Variants in SDK1 observed in about 807,000 individuals in gnomAD.
The protein encoded by SDK1 is sidekick cell adhesion molecule 1, also known as protein sidekick-1.
SDK1 carries 157 observed loss-of-function variants against 245.5 expected under a neutral mutation model. The ratio of observed to expected loss-of-function variants is 0.64; its 90% confidence interval spans 0.56 to 0.73. SDK1 has a LOEUF of 0.73. Ranked by LOEUF, SDK1 falls within the 30% of genes least tolerant of loss-of-function variation. The pLI, the probability that SDK1 is intolerant of heterozygous loss-of-function variation, is 0.00. For synonymous variants in SDK1, 1,647 were observed against 1,278.5 expected, an observed-to-expected ratio of 1.29 and a Z score of -6.15; for missense variants, 3,583 against 3,002.3, an observed-to-expected ratio of 1.19 and a Z score of -4.52.
Position 4,268,308 on chromosome 7 carries a change from G to A in SDK1, c.*2924G>A. The stretch of plus-strand genomic sequence containing the variant: ...AGCTCCCTCCTCCTGGGGTGCCAGG[G>A]CAGAGATTCCAGGCAGGTGAGCCCA... On this transcript the variant is annotated 3_prime_UTR_variant, in exon 45 of 45. Transcript: ENST00000404826. The A allele has an allele frequency of 9.7e-7, 1 of 1,026,910 alleles. No individual in the cohort carries two copies. Among genetic ancestry groups the A allele is most frequent in the Non-Finnish European group, 1.2e-6 (1 of 854,544 alleles). The allele number at this position is 1,026,910 out of a possible 1,614,324, so 63.6% of individuals were successfully genotyped here. A position where few individuals can be genotyped will look rare whatever the true frequency, so the allele number is the denominator to read the frequency against.
chr7:3,401,689 AT>A lies in SDK1; in HGVS notation c.298+99817del, dbSNP rs761655504. 2.2e-3 allele frequency among the ~76,000 whole-genome samples: 315 copies of A among 145,980 alleles called. 1 individual carries two copies. The highest frequency in any genetic ancestry group is 4.2e-3 in the African/African-American group (171 of 40,472). Reference sequence around the variant, plus strand: ...CAGTTACATTACTTCTCTGAGCCTTATTTTTTTTTTTTATTATGGAGATAAT... The same window carrying A: ...CAGTTACATTACTTCTCTGAGCCTTATTTTTTTTTTTATTATGGAGATAAT... On this transcript the variant is annotated intron_variant, in intron 1 of 44. Transcript: ENST00000404826.
At chr7:3,583,855 A>G (rs753305899) in intron 1 of SDK1, among the ~76,000 whole-genome samples, 17 of 152,058 alleles carry the variant, frequency 1.1e-4, no homozygotes, top group Middle Eastern at 3.4e-3. Context: ...TTTCAAGTGG[A>G]GGGAACAATA....
chr7:4,190,785 G>A (rs1026592498), intron 35 of SDK1, among the ~76,000 whole-genome samples: 8 of 152,244 alleles, frequency 5.3e-5, no homozygotes, highest in East Asian at 1.9e-4. Context: ...GCCAAAGGGC[G>A]GGTGATAGGA....
chr7:3,841,916 G>T (rs746013704), intron 5 of SDK1, among the ~76,000 whole-genome samples: 4 of 152,186 alleles, frequency 2.6e-5, no homozygotes, highest in Non-Finnish European at 5.9e-5. Flanking sequence ...GACCCATTGG[G>T]TGGTGGAAAT....
Position 3,317,551 on chromosome 7 carries a change from C to T in SDK1, c.298+15667C>T, listed in dbSNP as rs4722673. Among the ~76,000 whole-genome samples the T allele has an allele frequency of 4.2e-3, 643 of 151,466 alleles. 8 individuals are homozygous for T. The highest frequency in any genetic ancestry group is 0.015 in the African/African-American group (609 of 41,324). ...GTTCCCTGGGTGCCTGCCAGGAGGG[C>T]GCTTCCTTCTGCCTATTCCTCTCTC... On this transcript the variant is annotated intron_variant, in intron 1 of 44. Coordinates refer to ENST00000404826, the MANE Select transcript of SDK1 (RefSeq NM_152744.4).
intron 9 of SDK1, among the ~76,000 whole-genome samples, chr7:3,965,504 T>C (rs985164405): frequency 1.3e-5 from 2 of 152,184 alleles, no homozygotes; most frequent in Admixed American, 1.3e-4. Flanking sequence ...AAAATGAGTT[T>C]TTTAATTAAA....
At chr7:3,570,017 A>G (rs1203695709) in intron 1 of SDK1, among the ~76,000 whole-genome samples, 2 of 152,056 alleles carry the variant, frequency 1.3e-5, no homozygotes, top group Admixed American at 1.3e-4. Context: ...TTTCTTTATA[A>G]TTCTAAATCA....
rs1481886764 is a variant in SDK1 at position 3,834,683 on chromosome 7, A to G, written c.847+13100A>G. 2.0e-5 allele frequency among the ~76,000 whole-genome samples: 3 copies of G among 152,168 alleles called. No individual in the cohort carries two copies. In the East Asian group the frequency reaches 5.8e-4, roughly 29 times the overall value. ...GCATTTAATACAACCCCATTCCAAG[A>G]GAATCCTTATTGATAATTGTTTTTC... is the stretch of plus-strand genomic sequence containing the variant. On this transcript the variant is annotated intron_variant, in intron 5 of 44. Coordinates refer to ENST00000404826, the MANE Select transcript of SDK1 (RefSeq NM_152744.4).
chr7:4,071,916 T>C (rs1004891461), intron 20 of SDK1, among the ~76,000 whole-genome samples: 1 of 152,208 alleles, frequency 6.6e-6, no homozygotes, highest in Non-Finnish European at 1.5e-5. Context: ...AATTCCCTTT[T>C]TACAGATACA....
chr7:3,751,673 T>G (rs1033784577), intron 4 of SDK1, among the ~76,000 whole-genome samples: 1 of 152,198 alleles, frequency 6.6e-6, no homozygotes, highest in East Asian at 1.9e-4. Flanking sequence ...TTTCAGGGAC[T>G]GCAGTACCGA....
chr7:3,812,707 C>A (rs1651279456), intron 4 of SDK1, among the ~76,000 whole-genome samples: 1 of 152,200 alleles, frequency 6.6e-6, no homozygotes, highest in Admixed American at 6.5e-5. Flanking sequence ...TTTGGTCTTT[C>A]TCCTACTGCA....
chr7:4,016,916 G>A (rs1307845150), intron 16 of SDK1, among the ~76,000 whole-genome samples: 7 of 152,152 alleles, frequency 4.6e-5, no homozygotes, highest in Non-Finnish European at 7.4e-5. Flanking sequence ...CATGTAAAAA[G>A]CTGTAATTTT....
intron 13 of SDK1, among the ~76,000 whole-genome samples, chr7:3,977,452 G>T (rs754576212): frequency 6.6e-6 from 1 of 152,208 alleles, no homozygotes; most frequent in Admixed American, 6.5e-5. Flanking sequence ...TTTTGTGTAC[G>T]CATGGGGCAG....
intron 4 of SDK1, among the ~76,000 whole-genome samples, chr7:3,786,201 T>C (rs1780894742): frequency 6.6e-6 from 1 of 152,208 alleles, no homozygotes; most frequent in African/African-American, 2.4e-5. Context: ...AAAGCATTTA[T>C]GTACTGGACA....
intron 40 of SDK1, among the ~76,000 whole-genome samples, chr7:4,223,187 T>C (rs1431872100): frequency 3.9e-5 from 6 of 151,966 alleles, no homozygotes; most frequent in African/African-American, 1.2e-4. Context: ...GTGACAGATA[T>C]AACAAATAGG....
intron 42 of SDK1, among the ~76,000 whole-genome samples, chr7:4,238,935 G>A (rs1393962903): frequency 6.6e-6 from 1 of 152,074 alleles, no homozygotes; most frequent in East Asian, 1.9e-4. Context: ...ACAGTGACCT[G>A]GGGCACTGCT....
intron 4 of SDK1, among the ~76,000 whole-genome samples, chr7:3,742,938 G>T (rs1779516727): frequency 6.6e-6 from 1 of 152,222 alleles, no homozygotes; most frequent in African/African-American, 2.4e-5. Context: ...TACGTCATCA[G>T]TGGAGACTGG....
rs372588633 is a variant in SDK1 at position 3,584,803 on chromosome 7, A to C, written c.299-34277A>C. Among the ~76,000 whole-genome samples, 4 of 150,332 alleles carry C rather than the reference A, an allele frequency of 2.7e-5. No individual in the cohort carries two copies. The East Asian group carries it at 5.9e-4, about 22-fold the overall frequency. On this transcript the variant is annotated intron_variant, in intron 1 of 44. Coordinates refer to ENST00000404826, the MANE Select transcript of SDK1 (RefSeq NM_152744.4). ...CAGTGGCGCGATCTGGGCTCACTTC[A>C]AGCTCCGCCTCCCGGGTTCACGCCG...
chr7:3,363,418 G>A (rs1394502188), intron 1 of SDK1, among the ~76,000 whole-genome samples: 2 of 151,702 alleles, frequency 1.3e-5, no homozygotes, highest in Non-Finnish European at 2.9e-5. Flanking sequence ...AAATAAAGTC[G>A]CTATAAACAT....
Sources: gnomAD v4.1 joint callset for allele counts (sites outside exome capture counted in the v4.1 genomes callset) on GRCh38, gnomAD v4.1.1 for gene constraint, MANE v1.5 for transcripts, NCBI Gene and HGNC (gene_info 2026-07-23, HGNC 2026-07-21) for gene names.